Variants in TMEM184B observed in about 807,000 individuals in gnomAD.
TMEM184B encodes transmembrane protein 184B.
TMEM184B carries 17 observed loss-of-function variants against 41.8 expected under a neutral mutation model. The observed-to-expected ratio is 0.41, with a 90% CI of 0.28 to 0.61. The LOEUF is 0.61. Ranked by LOEUF, TMEM184B falls within the 20% of genes least tolerant of loss-of-function variation. The pLI, the probability that TMEM184B is intolerant of heterozygous loss-of-function variation, is 0.34. For synonymous variants in TMEM184B, 240 were observed against 229.5 expected, an observed-to-expected ratio of 1.05 and a Z score of -0.41; for missense variants, 393 against 557.8, an observed-to-expected ratio of 0.70 and a Z score of 2.98.
chr22:38,251,198 C>A (rs917855268), intron 1 of TMEM184B, among the ~76,000 whole-genome samples: 1 of 152,204 alleles, frequency 6.6e-6, no homozygotes, highest in East Asian at 1.9e-4. Context: ...ATGCTGGCCA[C>A]GTTTCTGCAC....
Position 38,225,034 on chromosome 22 carries a change from C to T in TMEM184B, c.788-55G>A, listed in dbSNP as rs186221191. 4.2e-4 allele frequency: 620 copies of T among 1,479,684 alleles called. 13 individuals are homozygous for T. In the East Asian group the frequency reaches 0.012, roughly 29 times the overall value. The allele number at this position is 1,479,684 out of a possible 1,614,324, so 91.7% of individuals were successfully genotyped here. A position where few individuals can be genotyped will look rare whatever the true frequency, so the allele number is the denominator to read the frequency against. ...CAGAATGATTCCTTTCCTGCTCCCC[C>T]TTCTTCCACAATGCCCCATTCAGCT... is the stretch of plus-strand genomic sequence containing the variant. On this transcript the variant is annotated intron_variant, in intron 7 of 8. Coordinates refer to ENST00000361906, the MANE Select transcript of TMEM184B (RefSeq NM_012264.5). The surrounding 1 kb of genome is among the most constrained non-coding windows in gnomAD (Gnocchi z 4.4).
At chr22:38,255,553 A>G (rs183270585) in intron 1 of TMEM184B, among the ~76,000 whole-genome samples, 1 of 152,226 alleles carries the variant, frequency 6.6e-6, no homozygotes, top group Non-Finnish European at 1.5e-5. Context: ...AGGAATGAAA[A>G]CGTATATTCA....
At chr22:38,234,633 G>A (rs1407567116) in intron 3 of TMEM184B, among the ~76,000 whole-genome samples, 1 of 152,212 alleles carries the variant, frequency 6.6e-6, no homozygotes, top group African/African-American at 2.4e-5. Flanking sequence ...ACTCACGCCT[G>A]CATGCAATGG....
chr22:38,231,327 G>A lies in TMEM184B; in HGVS notation c.366C>T (p.Val122=). The A allele has an allele frequency of 6.2e-7, 1 of 1,614,052 alleles. No individual in the cohort carries two copies. Among genetic ancestry groups the A allele is most frequent in the Non-Finnish European group, 8.5e-7 (1 of 1,179,898 alleles). The part of the protein sequence containing the change: ...GTVRDCYEAL[V]IYNFLSLCYE... Reference sequence around the variant, plus strand: ...AGCACAGGCTCAGGAAATTATAGATGACCAAGGCTGCGAAGAGAGTGTCCA... The same window carrying A: ...AGCACAGGCTCAGGAAATTATAGATAACCAAGGCTGCGAAGAGAGTGTCCA... The change falls in exon 4 of 9, where the codon GTC becomes GTT. Residue 122 remains valine, a synonymous_variant. Coordinates refer to ENST00000361906, the MANE Select transcript of TMEM184B (RefSeq NM_012264.5).
At chr22:38,227,021 G>A (rs938916756) in intron 5 of TMEM184B, 151 bp from the exon 6 acceptor site, 49 of 763,208 alleles carry the variant, frequency 6.4e-5, no homozygotes, top group Non-Finnish European at 1.0e-4. Context: ...CGGAGGGGAT[G>A]GAGGGACGAA....
chr22:38,231,086 G>A (rs181410280), intron 4 of TMEM184B, among the ~76,000 whole-genome samples, 158 bp downstream of exon 4: 86 of 152,266 alleles, frequency 5.6e-4, no homozygotes, highest in East Asian at 3.9e-4. Context: ...CTCCTAAAAC[G>A]CCCAGAAGAA....
At chr22:38,251,267 C>G (rs1328331752) in intron 1 of TMEM184B, among the ~76,000 whole-genome samples, 1 of 152,188 alleles carries the variant, frequency 6.6e-6, no homozygotes, top group African/African-American at 2.4e-5. Context: ...GTTTACAAAG[C>G]ATTTCCCCAA....
rs2091381855 is a variant in TMEM184B, at chr22:38,224,875, T to A, written c.892A>T (p.Ile298Phe). The change falls in exon 8 of 9, where the codon ATC becomes TTC. Residue 298 changes from isoleucine (I) to phenylalanine (F), a missense_variant. This residue lies in a region of TMEM184B where 271 missense variants were observed against 434.1 expected (regional missense o/e 0.62). Transcript: ENST00000361906. ...GTVAAGYQDF[I>F]ICVEMFFAAL... ...GCAAAGAACATCTCCACACAGATGA[T>A]GAAGTCCTGGTAGCCGGCAGCCACG... The A allele has an allele frequency of 1.2e-6, 2 of 1,613,660 alleles. No homozygotes were observed. The highest frequency in any genetic ancestry group is 1.7e-5 in the Admixed American group (1 of 59,986).
rs972888121 is a variant in TMEM184B at position 38,234,848 on chromosome 22, G to A, written c.359-3514C>T. 2.0e-5 allele frequency among the ~76,000 whole-genome samples: 3 copies of A among 152,304 alleles called. No individual in the cohort carries two copies. The South Asian group carries it at 6.2e-4, about 32-fold the overall frequency. On this transcript the variant is annotated intron_variant, in intron 3 of 8. Coordinates refer to ENST00000361906, the MANE Select transcript of TMEM184B (RefSeq NM_012264.5). The stretch of plus-strand genomic sequence containing the variant: ...TGTGAACTGTGGTCCCACCTCTTAG[G>A]AGCTGTGTGGCCTCAGGCAAGTGTC...
rs116208126 is a variant in TMEM184B at position 38,261,665 on chromosome 22, G to A, written c.-59+11219C>T. On this transcript the variant is annotated intron_variant, in intron 1 of 8. Coordinates refer to ENST00000361906, the MANE Select transcript of TMEM184B (RefSeq NM_012264.5). ...AATGGACCAACGCTCAGCCTCTTTA[G>A]CTGGATTGTTGAGCCCCTCTACATG... 5.5e-3 allele frequency among the ~76,000 whole-genome samples: 836 copies of A among 152,228 alleles called. 11 individuals are homozygous for A. The highest frequency in any genetic ancestry group is 0.018 in the African/African-American group (758 of 41,534).
intron 2 of TMEM184B, chr22:38,246,873 G>C: frequency 7.7e-7 from 1 of 1,303,046 alleles, no homozygotes; most frequent in Non-Finnish European, 1.0e-6. Context: ...ACTTGGCCCA[G>C]CCGAGCCCTG....
intron 3 of TMEM184B, among the ~76,000 whole-genome samples, chr22:38,235,643 G>T (rs1325388020): frequency 6.6e-6 from 1 of 152,172 alleles, no homozygotes; most frequent in Non-Finnish European, 1.5e-5. Context: ...TGGAGAAGAT[G>T]AGACAGAATC....
intron 1 of TMEM184B, among the ~76,000 whole-genome samples, chr22:38,263,966 G>A (rs1159684107): frequency 6.6e-6 from 1 of 152,080 alleles, no homozygotes; most frequent in South Asian, 2.1e-4. Context: ...CACCACGCTG[G>A]GCTAATTTTT....
At chr22:38,233,832 C>T (rs1276079992) in intron 3 of TMEM184B, among the ~76,000 whole-genome samples, 1 of 152,068 alleles carries the variant, frequency 6.6e-6, no homozygotes, top group South Asian at 2.1e-4. Flanking sequence ...TGCAGTGGCA[C>T]GATCTTGGCT....
chr22:38,269,421 G>A (rs1340963566), intron 1 of TMEM184B, among the ~76,000 whole-genome samples: 1 of 152,082 alleles, frequency 6.6e-6, no homozygotes, highest in Non-Finnish European at 1.5e-5. Context: ...TCACTGTGTT[G>A]GCCAGGCTGG....
At chr22:38,259,234 C>T (rs1019963422) in intron 1 of TMEM184B, among the ~76,000 whole-genome samples, 26 of 152,218 alleles carry the variant, frequency 1.7e-4, no homozygotes, top group African/African-American at 5.5e-4. Flanking sequence ...GTTTGAGGGA[C>T]ACCTTACTGC....
Position 38,225,094 on chromosome 22 carries a change from A to G in TMEM184B, c.788-115T>C. On this transcript the variant is annotated intron_variant, in intron 7 of 8. Transcript: ENST00000361906. This position sits in a 1 kb window ranked among gnomAD's most constrained non-coding sequence, Gnocchi z 4.4. ...CCCCAGTGAGGATGTGAGCAGGGCCACAGCTGCTCCTGCAGGGCAGGGGTA... is the reference window on the plus strand; with the variant it reads ...CCCCAGTGAGGATGTGAGCAGGGCCGCAGCTGCTCCTGCAGGGCAGGGGTA... The G allele has an allele frequency of 8.2e-7, 1 of 1,215,370 alleles. No individual in the cohort carries two copies. The highest frequency in any genetic ancestry group is 1.6e-5 in the South Asian group (1 of 63,476). 75.3% of individuals were successfully genotyped at this position (1,215,370 alleles called of 1,614,324 possible). A position where few individuals can be genotyped will look rare whatever the true frequency, so the allele number is the denominator to read the frequency against.
intron 3 of TMEM184B, among the ~76,000 whole-genome samples, chr22:38,241,904 A>AAAAAAAAAAAAAAAAAAC (rs1267704010): frequency 6.7e-6 from 1 of 150,064 alleles, no homozygotes; most frequent in African/African-American, 2.4e-5. Flanking sequence ...AAAAAAAAAA[A>AAAAAAAAAAAAAAAAAAC]AAAGAACGAG....
At chr22:38,237,047 T>G (rs1350788568) in intron 3 of TMEM184B, among the ~76,000 whole-genome samples, 1 of 152,114 alleles carries the variant, frequency 6.6e-6, no homozygotes, top group African/African-American at 2.4e-5. Context: ...TATTGGCAGC[T>G]CCTTGAGCCT....
Sources: allele counts gnomAD v4.1 joint callset (sites outside exome capture counted in the v4.1 genomes callset), GRCh38; gene constraint gnomAD v4.1.1; regional missense constraint gnomAD v4.1.1; non-coding constraint Gnocchi (gnomAD v3.1); transcripts MANE v1.5; gene names NCBI Gene and HGNC (gene_info 2026-07-23, HGNC 2026-07-21).